Variants in CADM2 observed in about 807,000 individuals in gnomAD.
CADM2 encodes the protein immunoglobulin superfamily member 4D.
CADM2 carries 12 observed loss-of-function variants against 49.8 expected under a neutral mutation model. The ratio of observed to expected loss-of-function variants is 0.24; its 90% confidence interval spans 0.15 to 0.39. The LOEUF is 0.39. Among genes scored for constraint, CADM2 ranks in the 10% least tolerant of loss-of-function variants. CADM2 has a pLI of 1.00. For missense variants in CADM2, 378 were observed against 492.3 expected (o/e 0.77, Z 2.20); for synonymous variants, 214 against 175.4 (o/e 1.22, Z -1.74).
At chr3:86,012,660 G>A (rs1731684027) in intron 8 of CADM2, 1 of 1,443,424 alleles carries the variant, frequency 6.9e-7, no homozygotes, top group Non-Finnish European at 9.6e-7. Flanking sequence ...TGCCAGGAGT[G>A]GGTGGAGAAT....
chr3:85,314,821 GATAA>G (rs780940421), intron 1 of CADM2, among the ~76,000 whole-genome samples: 19 of 152,112 alleles, frequency 1.2e-4, no homozygotes, highest in Admixed American at 4.6e-4. Flanking sequence ...AAACAAAGTA[GATAA>G]ATAAATAGTT....
chr3:85,859,607 A>G (rs2075447802), intron 3 of CADM2, among the ~76,000 whole-genome samples: 1 of 151,982 alleles, frequency 6.6e-6, no homozygotes, highest in African/African-American at 2.4e-5. Context: ...CTCACTAGAC[A>G]CTCATCCTCC....
At chr3:85,616,583 A>G (rs1226298148) in intron 1 of CADM2, among the ~76,000 whole-genome samples, 5 of 152,182 alleles carry the variant, frequency 3.3e-5, no homozygotes, top group Non-Finnish European at 7.4e-5. Flanking sequence ...AAAGTATAAC[A>G]TATAATAAAT....
intron 1 of CADM2, among the ~76,000 whole-genome samples, chr3:85,610,755 C>T (rs2063661115): frequency 6.6e-6 from 1 of 151,860 alleles, no homozygotes; most frequent in South Asian, 2.1e-4. Flanking sequence ...CAAATTCAAA[C>T]TTAGGATTGT....
At chr3:85,177,901 G>T (rs2040826928) in intron 1 of CADM2, among the ~76,000 whole-genome samples, 1 of 151,736 alleles carries the variant, frequency 6.6e-6, no homozygotes, top group African/African-American at 2.4e-5. Flanking sequence ...ACACTGTGTG[G>T]GGGAGAAAAA....
chr3:85,337,990 T>A (rs1365548518), intron 1 of CADM2, among the ~76,000 whole-genome samples: 1 of 151,710 alleles, frequency 6.6e-6, no homozygotes, highest in Admixed American at 6.6e-5. Context: ...TTTGTTACAG[T>A]CATTCAAAAT....
intron 1 of CADM2, among the ~76,000 whole-genome samples, chr3:85,033,135 T>A (rs1036222677): frequency 2.0e-5 from 3 of 152,218 alleles, no homozygotes; most frequent in Admixed American, 2.0e-4. Context: ...TTCTGTGCTA[T>A]CATTTTTGCT....
intron 1 of CADM2, among the ~76,000 whole-genome samples, chr3:84,979,508 C>T (rs1204382507): frequency 6.6e-6 from 1 of 151,982 alleles, no homozygotes; most frequent in Admixed American, 6.6e-5. Context: ...TATTGAGTAA[C>T]TAGAAGAGGT....
At chr3:85,617,622 C>A (rs1462326780) in intron 1 of CADM2, among the ~76,000 whole-genome samples, 1 of 152,054 alleles carries the variant, frequency 6.6e-6, no homozygotes, top group African/African-American at 2.4e-5. Flanking sequence ...TTCAGCCTGC[C>A]CCCTTTCCTC....
rs190691662 is a variant in CADM2, at chr3:85,550,184, C to T, written c.62-176338C>T. 8.5e-5 allele frequency among the ~76,000 whole-genome samples: 13 copies of T among 152,242 alleles called. 1 individual carries two copies. The highest frequency in any genetic ancestry group is 3.3e-4 in the Admixed American group (5 of 15,278). On this transcript the variant is annotated intron_variant, in intron 1 of 9. Transcript: ENST00000383699. ...AGCATTCTGCCCCTGCGTTTCTGCT[C>T]TAGTTTATTACATTTTACTAACCTG...
At chr3:85,962,799 A>G (rs926219725) in intron 8 of CADM2, among the ~76,000 whole-genome samples, 1 of 151,966 alleles carries the variant, frequency 6.6e-6, no homozygotes. Context: ...GACTAGTATT[A>G]TATTCAACAT....
intron 6 of CADM2, among the ~76,000 whole-genome samples, chr3:85,925,352 A>G (rs547062035): frequency 6.6e-6 from 1 of 152,260 alleles, no homozygotes; most frequent in African/African-American, 2.4e-5. Flanking sequence ...TATTTTTCAA[A>G]TAAATAATGA....
At chr3:85,929,849 A>G (rs1666786380) in intron 6 of CADM2, among the ~76,000 whole-genome samples, 1 of 152,038 alleles carries the variant, frequency 6.6e-6, no homozygotes, top group South Asian at 2.1e-4. Context: ...TGTTTTTAGG[A>G]TAACATTGCT....
intron 1 of CADM2, among the ~76,000 whole-genome samples, chr3:85,586,233 A>G (rs1178191936): frequency 6.6e-6 from 1 of 152,098 alleles, no homozygotes; most frequent in Non-Finnish European, 1.5e-5. Flanking sequence ...GGCTTTCACA[A>G]TGGAGCCTGC....
intron 1 of CADM2, among the ~76,000 whole-genome samples, chr3:85,497,114 G>A (rs929871172): frequency 6.6e-6 from 1 of 152,196 alleles, no homozygotes; most frequent in Admixed American, 6.5e-5. Flanking sequence ...GAAGTGCTGG[G>A]ATTACAGGCA....
At chr3:86,013,283 A>C in intron 8 of CADM2, 1 of 1,527,848 alleles carries the variant, frequency 6.5e-7, no homozygotes, top group Non-Finnish European at 9.0e-7. Context: ...GTGAAGGGCA[A>C]GATGAGGACA....
At chr3:85,153,509 G>T (rs1318522235) in intron 1 of CADM2, among the ~76,000 whole-genome samples, 1 of 152,206 alleles carries the variant, frequency 6.6e-6, no homozygotes, top group African/African-American at 2.4e-5. Flanking sequence ...GCAAGGCTGG[G>T]GGAGGGGCGC....
At position 85,536,713 on chromosome 3, in the gene CADM2, T is replaced by G. The variant is rs1224417088; in HGVS notation, c.62-189809T>G. Among the ~76,000 whole-genome samples the G allele has an allele frequency of 2.0e-5, 3 of 151,994 alleles. No individual in the cohort carries two copies. The South Asian group carries it at 6.2e-4, about 31-fold the overall frequency. On this transcript the variant is annotated intron_variant, in intron 1 of 9. Coordinates refer to ENST00000383699, the MANE Select transcript of CADM2 (RefSeq NM_001167675.2). ...AGCAGACATCTGGTAATTCAGAGAT[T>G]TGTTGTTTGCAATCAAAAATAAAGG...
At chr3:85,144,334 G>A (rs558070078) in intron 1 of CADM2, among the ~76,000 whole-genome samples, 198 of 151,852 alleles carry the variant, frequency 1.3e-3, no homozygotes, top group Admixed American at 3.7e-3. Context: ...ATTTGTGCTG[G>A]GCGCGATGGC....
Sources: allele counts gnomAD v4.1 joint callset (sites outside exome capture counted in the v4.1 genomes callset), GRCh38; gene constraint gnomAD v4.1.1; transcripts MANE v1.5; gene names NCBI Gene and HGNC (gene_info 2026-07-23, HGNC 2026-07-21).